Variants in CTPS2 observed in about 807,000 individuals in gnomAD.
CTPS2 encodes the protein CTP synthase II.
CTPS2 carries 19 observed loss-of-function variants against 46.8 expected under a neutral mutation model. That is an observed-to-expected ratio of 0.41 (90% CI 0.28 to 0.60). CTPS2 has a LOEUF of 0.60. Ranked by LOEUF, CTPS2 falls within the 20% of genes least tolerant of loss-of-function variation. CTPS2 has a pLI of 0.35. For missense variants in CTPS2, 286 were observed against 447.6 expected (o/e 0.64, Z 3.26); for synonymous variants, 151 against 165.2 (o/e 0.91, Z 0.66).
chrX:16,693,442 C>T lies in CTPS2; in HGVS notation c.484G>A (p.Ala162Thr). 1.7e-6 allele frequency: 2 copies of T among 1,210,067 alleles called. No individual in the cohort carries two copies. The change falls in exon 5 of 19, where the codon GCG (alanine) becomes ACG (threonine). Residue 162 changes from alanine to threonine, a missense_variant. Transcript: ENST00000359276. Reference sequence around the variant, plus strand: ...GCCTTAAACTGGAATTGTCTAAACGCCTCCACAAACGGCATTCCTTCGATG... The same window carrying T: ...GCCTTAAACTGGAATTGTCTAAACGTCTCCACAAACGGCATTCCTTCGATG... ...GDIEGMPFVE[A>T]FRQFQFKAKR...
rs11323776 is a variant in CTPS2 at position 16,671,505 on chromosome X, CTTTTTTTT to C, written c.1095-839_1095-832del. Among the ~76,000 whole-genome samples, 361 of 48,083 alleles carry C rather than the reference CTTTTTTTT, an allele frequency of 7.5e-3. 2 individuals are homozygous for C. The highest frequency in any genetic ancestry group is 0.031 in the African/African-American group (340 of 11,123). The allele number at this position is 48,083 out of a possible 115,157, so 41.8% of individuals were successfully genotyped here. On this transcript the variant is annotated intron_variant, in intron 10 of 18. Coordinates refer to ENST00000359276, the MANE Select transcript of CTPS2 (RefSeq NM_175859.3). ...CGTGGTGGGGTCCAGTAACATTTTT[CTTTTTTTT>C]TTTTTTTTTTTTTTTTTTGAGACAG...
chrX:16,599,467 C>CTTTTTTTTTTTTTT (rs1009319649), intron 17 of CTPS2, among the ~76,000 whole-genome samples: 6 of 94,557 alleles, frequency 6.3e-5, no homozygotes, highest in African/African-American at 2.5e-4. Flanking sequence ...TTTTCTTTTT[C>CTTTTTTTTTTTTTT]TTTTTTTTCT....
At chrX:16,665,491 T>C (rs1307787007) in intron 13 of CTPS2, among the ~76,000 whole-genome samples, 1 of 112,234 alleles carries the variant, frequency 8.9e-6, no homozygotes, top group East Asian at 2.8e-4. Flanking sequence ...TTTGAAAACA[T>C]TATCCTAAGT....
chrX:16,701,575 G>A (rs1048042401), intron 2 of CTPS2, among the ~76,000 whole-genome samples: 9 of 108,103 alleles, frequency 8.3e-5, no homozygotes, highest in Non-Finnish European at 1.3e-4. Context: ...ACAAAAACAG[G>A]AAGACAGGAT....
intron 14 of CTPS2, among the ~76,000 whole-genome samples, chrX:16,634,626 G>GA (rs1402159270): frequency 8.9e-6 from 1 of 112,064 alleles, no homozygotes; most frequent in East Asian, 2.8e-4. Context: ...AGGTTATTAA[G>GA]AAAAAAAGAG....
intron 11 of CTPS2, among the ~76,000 whole-genome samples, chrX:16,668,770 A>AAAGGAAGGAAGGAAGGAAGGAAGGAAGG (rs753753580): frequency 1.4e-5 from 1 of 73,602 alleles, no homozygotes; most frequent in African/African-American, 5.8e-5. Context: ...GGAAGGAAGG[A>AAAGGAAGGAAGGAAGGAAGGAAGGAAGG]AAGGAAGGAA....
At position 16,588,649 on chromosome X, in the gene CTPS2, C is replaced by T. The variant is rs961864702; in HGVS notation, c.*1168G>A. On this transcript the variant is annotated 3_prime_UTR_variant, in exon 19 of 19. Transcript: ENST00000359276. Reference sequence around the variant, plus strand: ...TATGAAATATCCAGAATAGAAAAAGCCACAGAAATAAAAAGGAGATCAGTG... The same window carrying T: ...TATGAAATATCCAGAATAGAAAAAGTCACAGAAATAAAAAGGAGATCAGTG... The T allele has an allele frequency of 9.0e-6, 1 of 111,593 alleles. No individual in the cohort carries two copies. The highest frequency in any genetic ancestry group is 3.3e-5 in the African/African-American group (1 of 30,671). The allele number at this position is 111,593 out of a possible 1,213,427, so 9.2% of individuals were successfully genotyped here.
chrX:16,665,118 T>A (rs1921063430), intron 13 of CTPS2, among the ~76,000 whole-genome samples: 1 of 111,671 alleles, frequency 9.0e-6, no homozygotes, highest in African/African-American at 3.3e-5. Context: ...AGGATGGCTA[T>A]CATCAAAAAG....
Position 16,702,807 on chromosome X carries a change from G to A in CTPS2, c.96C>T (p.Leu32=). 8.3e-7 allele frequency: 1 copy of A among 1,209,778 alleles called. No homozygotes were observed. The highest frequency in any genetic ancestry group is 1.8e-5 in the South Asian group (1 of 56,930). The part of the protein sequence containing the change: ...SIGTILKSCG[L]RVTAIKIDPY... ...GGTCGATTTTTATGGCAGTAACTCG[G>A]AGTCCACATGATTTTAGAATCGTTC... is the stretch of plus-strand genomic sequence containing the variant. Residue 32 remains leucine, a synonymous_variant, in exon 2 of 19, where the codon CTC becomes CTT. Transcript: ENST00000359276.
chrX:16,672,833 T>C (rs189595459), intron 10 of CTPS2, among the ~76,000 whole-genome samples: 1 of 108,423 alleles, frequency 9.2e-6, no homozygotes, highest in African/African-American at 3.4e-5. Flanking sequence ...AATCACTGTC[T>C]CCTGTGTAAA....
Position 16,590,636 on chromosome X carries a change from G to T in CTPS2, c.*41+116C>A, listed in dbSNP as rs373691605. 1.1e-4 allele frequency: 43 copies of T among 400,689 alleles called. 1 individual carries two copies. In the East Asian group the frequency reaches 1.4e-3, roughly 13 times the overall value. 33.0% of individuals were successfully genotyped at this position (400,689 alleles called of 1,213,427 possible). A position where few individuals can be genotyped will look rare whatever the true frequency, so the allele number is the denominator to read the frequency against. ...GTCCTGCTAACTGTGCCAGTCAAAT[G>T]GGAGTATCTCAAAGGGGCAAGATCC... is the stretch of plus-strand genomic sequence containing the variant. On this transcript the variant is annotated intron_variant, in intron 18 of 18. Transcript: ENST00000359276.
chrX:16,620,125 T>C, intron 15 of CTPS2, 152 bp downstream of exon 15: 1 of 360,708 alleles, frequency 2.8e-6, no homozygotes. Context: ...GCCCATCTCC[T>C]CTGGAAGTGG....
At position 16,617,235 on chromosome X, in the gene CTPS2, G is replaced by A. The variant is rs916542758; in HGVS notation, c.1461C>T (p.Asn487=). ...CATTCTGCTCAAATTGTTTGATCAG[G>A]TTAGGGTTTACCTGCAAAACAAGAA... ...RHRHRFEVNP[N]LIKQFEQNDL... is the part of the protein sequence containing the mutation. The change falls in exon 16 of 19, where the codon AAC becomes AAT. Residue 487 remains asparagine (N), a synonymous_variant. Transcript: ENST00000359276. The A allele has an allele frequency of 7.5e-6, 9 of 1,204,731 alleles. No homozygotes were observed. In the Admixed American group the frequency reaches 2.0e-4, roughly 26 times the overall value.
chrX:16,624,559 A>G (rs1474415564), intron 14 of CTPS2, among the ~76,000 whole-genome samples: 2 of 112,037 alleles, frequency 1.8e-5, no homozygotes, highest in African/African-American at 6.5e-5. Context: ...CTACACCAAC[A>G]TTGAAAGTGC....
intron 9 of CTPS2, among the ~76,000 whole-genome samples, chrX:16,681,078 C>T (rs1018594677): frequency 3.6e-5 from 4 of 111,109 alleles, no homozygotes; most frequent in Admixed American, 2.9e-4. Flanking sequence ...CCCAGCTATT[C>T]GGGTGGCTAA....
At chrX:16,605,722 C>CTAAA (rs971385127) in intron 17 of CTPS2, among the ~76,000 whole-genome samples, 21 of 112,096 alleles carry the variant, frequency 1.9e-4, no homozygotes, top group South Asian at 1.9e-3. Context: ...AACTCCATCT[C>CTAAA]TAAATAAATA....
intron 4 of CTPS2, 102 bp downstream of exon 4, chrX:16,698,134 C>T (rs1393490162): frequency 5.0e-6 from 3 of 605,067 alleles, no homozygotes; most frequent in East Asian, 6.7e-5. Flanking sequence ...GCCCAGTGTC[C>T]AGCACTCAGG....
At chrX:16,697,432 CT>C (rs5901594) in intron 4 of CTPS2, among the ~76,000 whole-genome samples, 23,195 of 59,405 alleles carry the variant, frequency 0.39, 5,082 homozygotes, top group Middle Eastern at 0.51. Context: ...TCAAATACGA[CT>C]TTTTTTTTTT....
chrX:16,679,368 AAAAT>A (rs1348774009), intron 9 of CTPS2, among the ~76,000 whole-genome samples: 3 of 110,389 alleles, frequency 2.7e-5, no homozygotes, highest in African/African-American at 9.9e-5. Context: ...AAAAAATAAA[AAAAT>A]AAAAATAAAT....
Sources: allele counts gnomAD v4.1 joint callset (sites outside exome capture counted in the v4.1 genomes callset), GRCh38; gene constraint gnomAD v4.1.1; transcripts MANE v1.5; gene names NCBI Gene and HGNC (gene_info 2026-07-23, HGNC 2026-07-21).